DLGAP1: variants seen among roughly 807,000 people sequenced by gnomAD.
DLGAP1 encodes disks large-associated protein 1.
A neutral mutation model predicts 90.8 loss-of-function variants in DLGAP1; 11 were observed. The observed-to-expected ratio is 0.12, with a 90% CI of 0.08 to 0.20. The LOEUF (loss-of-function observed/expected upper bound fraction) is 0.20, where lower values mean the gene tolerates loss of function less well. Among genes scored for constraint, DLGAP1 ranks in the 10% least tolerant of loss-of-function variants. DLGAP1 has a pLI of 1.00. For missense variants in DLGAP1, 1,050 were observed against 1,333.8 expected, an observed-to-expected ratio of 0.79 and a Z score of 3.31; for synonymous variants, 558 against 540.7, an observed-to-expected ratio of 1.03 and a Z score of -0.44.
chr18:4,058,320 GCAAAGA>G (rs2075251731), intron 2 of DLGAP1, among the ~76,000 whole-genome samples: 1 of 152,178 alleles, frequency 6.6e-6, no homozygotes, highest in Admixed American at 6.5e-5. Context: ...TTGTGTAGCA[GCAAAGA>G]AATAGACTCC....
intron 10 of DLGAP1, among the ~76,000 whole-genome samples, chr18:3,519,665 G>A (rs1010625562): frequency 9.9e-5 from 15 of 152,154 alleles, no homozygotes; most frequent in Admixed American, 7.2e-4. Flanking sequence ...CCTGAATGAG[G>A]TTAGTGCCTT....
chr18:3,933,362 G>T (rs558876021), intron 3 of DLGAP1, among the ~76,000 whole-genome samples: 2 of 152,320 alleles, frequency 1.3e-5, no homozygotes, highest in East Asian at 1.9e-4. Context: ...TTGCAGAAAT[G>T]GAATGTTCTC....
chr18:4,025,282 C>T (rs1034160805), intron 2 of DLGAP1, among the ~76,000 whole-genome samples: 16 of 151,708 alleles, frequency 1.1e-4, no homozygotes, highest in South Asian at 2.1e-4. Context: ...GGTTGAGTAT[C>T]CCAAATCCAA....
chr18:4,036,743 AG>A (rs1302522766), intron 2 of DLGAP1, among the ~76,000 whole-genome samples: 1 of 152,084 alleles, frequency 6.6e-6, no homozygotes, highest in East Asian at 1.9e-4. Flanking sequence ...AGAATTTTTC[AG>A]GGGGGGAAGG....
chr18:3,992,120 T>C (rs549064283), intron 3 of DLGAP1, among the ~76,000 whole-genome samples: 4 of 152,148 alleles, frequency 2.6e-5, no homozygotes, highest in Admixed American at 6.5e-5. Flanking sequence ...GCCTTGAAAA[T>C]GTTCATTAAA....
intron 7 of DLGAP1, among the ~76,000 whole-genome samples, chr18:3,675,596 C>T (rs1078560): frequency 0.13 from 20,170 of 152,094 alleles, 2,835 homozygotes; most frequent in African/African-American, 0.36. Context: ...GTTTTGTTTC[C>T]CGCATTCCTA....
chr18:3,688,693 T>G (rs578045145), intron 7 of DLGAP1, among the ~76,000 whole-genome samples: 1 of 136,910 alleles, frequency 7.3e-6, no homozygotes, highest in African/African-American at 2.8e-5. Context: ...GAAACAAAAC[T>G]TGAAGGTGGG....
chr18:3,608,460 A>G (rs1314999298), intron 7 of DLGAP1: 1 of 152,198 alleles, frequency 6.6e-6, no homozygotes, highest in Non-Finnish European at 1.5e-5. Flanking sequence ...TTATTTTGCC[A>G]TCTTAGTCAC....
chr18:3,994,668 A>G (rs377203109), intron 3 of DLGAP1, among the ~76,000 whole-genome samples: 1 of 152,356 alleles, frequency 6.6e-6, no homozygotes, highest in Middle Eastern at 3.4e-3. Context: ...AGATCTGAAG[A>G]GATGACTAAA....
At chr18:4,328,704 A>G (rs1488661454) in intron 1 of DLGAP1, among the ~76,000 whole-genome samples, 1 of 151,898 alleles carries the variant, frequency 6.6e-6, no homozygotes, top group East Asian at 1.9e-4. Context: ...ACTATCATTT[A>G]TTATTGCCAG....
At chr18:4,048,930 G>GAATTAAA (rs1230387611) in intron 2 of DLGAP1, among the ~76,000 whole-genome samples, 1 of 152,052 alleles carries the variant, frequency 6.6e-6, no homozygotes, top group Non-Finnish European at 1.5e-5. Context: ...TCTCACTTCA[G>GAATTAAA]AATTAAAAAT....
chr18:4,265,880 G>GT (rs137969309), intron 1 of DLGAP1, among the ~76,000 whole-genome samples: 2,113 of 151,546 alleles, frequency 0.014, 44 homozygotes, highest in African/African-American at 0.047. Context: ...GAGAGATAGG[G>GT]TTTCCCTATG....
intron 2 of DLGAP1, among the ~76,000 whole-genome samples, chr18:4,047,441 T>C (rs1283659829): frequency 2.0e-5 from 3 of 152,214 alleles, no homozygotes; most frequent in African/African-American, 4.8e-5. Flanking sequence ...TCAAGCTCTA[T>C]GTAAAGTAGC....
At chr18:4,297,806 CA>C (rs1232249054) in intron 1 of DLGAP1, among the ~76,000 whole-genome samples, 1 of 152,112 alleles carries the variant, frequency 6.6e-6, no homozygotes, top group Non-Finnish European at 1.5e-5. Flanking sequence ...TGCTCTTACT[CA>C]GGCAAGGCAG....
At chr18:4,279,774 A>G (rs2079507429) in intron 1 of DLGAP1, among the ~76,000 whole-genome samples, 1 of 152,212 alleles carries the variant, frequency 6.6e-6, no homozygotes, top group Non-Finnish European at 1.5e-5. Flanking sequence ...CAATTATTTG[A>G]AGAATGATAA....
At chr18:4,283,550 C>G (rs906145540) in intron 1 of DLGAP1, among the ~76,000 whole-genome samples, 2 of 152,132 alleles carry the variant, frequency 1.3e-5, no homozygotes, top group Admixed American at 1.3e-4. Context: ...AATTTCTTTA[C>G]TTTTCACTCC....
chr18:4,333,207 T>C (rs2080988106), intron 1 of DLGAP1, among the ~76,000 whole-genome samples: 1 of 151,980 alleles, frequency 6.6e-6, no homozygotes, highest in Non-Finnish European at 1.5e-5. Flanking sequence ...GCTTATGCAT[T>C]TGAAGTCAGT....
chr18:4,017,080 T>C (rs1778925546), intron 2 of DLGAP1, among the ~76,000 whole-genome samples: 1 of 152,184 alleles, frequency 6.6e-6, no homozygotes, highest in South Asian at 2.1e-4. Context: ...CACGTTTGGG[T>C]AGTCAAAATA....
intron 7 of DLGAP1, among the ~76,000 whole-genome samples, chr18:3,630,877 A>G (rs751307458): frequency 4.6e-5 from 7 of 152,222 alleles, no homozygotes; most frequent in Non-Finnish European, 7.3e-5. Context: ...AACAACAACA[A>G]CAAAATTCAG....
Sources: allele counts gnomAD v4.1 joint callset (sites outside exome capture counted in the v4.1 genomes callset), GRCh38; gene constraint gnomAD v4.1.1; transcripts MANE v1.5; gene names NCBI Gene and HGNC (gene_info 2026-07-23, HGNC 2026-07-21).